Variants in RANBP2 observed in about 807,000 individuals in gnomAD.
The protein encoded by RANBP2 is RAN binding protein 2, also known as E3 SUMO-protein ligase RanBP2.
RANBP2 carries 57 observed loss-of-function variants against 303.6 expected under a neutral mutation model. That is an observed-to-expected ratio of 0.19 (90% confidence interval 0.15 to 0.23). The LOEUF is 0.23. Ranked by LOEUF, RANBP2 falls within the 10% of genes least tolerant of loss-of-function variation. RANBP2 has a pLI of 1.00. For missense variants in RANBP2, 3,138 were observed against 3,780.8 expected, an observed-to-expected ratio of 0.83 and a Z score of 4.46; for synonymous variants, 1,167 against 1,301.5, an observed-to-expected ratio of 0.90 and a Z score of 2.23.
the RANBP2 span, among the ~76,000 whole-genome samples, chr2:109,572,158 T>C: frequency 4.1e-4 from 62 of 152,090 alleles, 3 homozygotes; most frequent in Non-Finnish European, 7.4e-5. Context: ...TGAGATGGAG[T>C]CTCGCTCTGT....
At chr2:108,762,796 TACC>T (rs1305282573) in intron 19 of RANBP2, among the ~76,000 whole-genome samples, 1 of 135,552 alleles carries the variant, frequency 7.4e-6, no homozygotes, top group African/African-American at 2.8e-5. Context: ...CAATAAATGT[TACC>T]ATCATCATCA....
At chr2:109,614,903 G>GC in the RANBP2 span, 2 of 1,444,692 alleles carry the variant, frequency 1.4e-6, no homozygotes, top group South Asian at 1.5e-5. Context: ...GCGAGGGAGA[G>GC]CCCCCCGCCC....
In RANBP2 at chr2:108,772,839, C is replaced by T. The variant is rs764262045; in HGVS notation, c.8114-29C>T. On this transcript the variant is annotated intron_variant, in intron 22 of 28. Coordinates refer to ENST00000283195, the MANE Select transcript of RANBP2 (RefSeq NM_006267.5). The stretch of plus-strand genomic sequence containing the variant: ...AGAGAAGTTGGGCTTCATCTAATTT[C>T]GTTTGCTTGTGTTGTACTGATTTTT... 21 of 1,607,534 alleles carry T rather than the reference C, an allele frequency of 1.3e-5. 1 individual carries two copies. Among genetic ancestry groups the T allele is most frequent in the South Asian group, 1.2e-4 (11 of 90,420 alleles).
the RANBP2 span, among the ~76,000 whole-genome samples, chr2:109,126,858 C>T: frequency 5.3e-5 from 8 of 152,204 alleles, no homozygotes; most frequent in East Asian, 5.8e-4. Context: ...CGTCACAGGC[C>T]GTCCTTGCTC....
Position 108,783,658 on chromosome 2 carries a change from A to T in RANBP2, c.9432A>T (p.Glu3144Asp). ...AGTCCATTTATGGAGACAAATTTGA[A>T]GATGAAAATTTTGATGTGAAACATA... Reference protein sequence around the residue: ...GGQSIYGDKFEDENFDVKHTG... With the variant: ...GGQSIYGDKFDDENFDVKHTG... Residue 3144 changes from glutamate to aspartate, a missense_variant, in exon 29 of 29, where the codon GAA (glutamate) becomes GAT (aspartate). This residue lies in a region of RANBP2 where 204 missense variants were observed against 228.4 expected (regional missense o/e 0.89). Transcript: ENST00000283195. 1 of 1,612,074 alleles carries T rather than the reference A, an allele frequency of 6.2e-7. No homozygotes were observed. The highest frequency in any genetic ancestry group is 8.5e-7 in the Non-Finnish European group (1 of 1,178,134).
the RANBP2 span, among the ~76,000 whole-genome samples, chr2:108,869,581 G>A: frequency 6.6e-6 from 1 of 152,184 alleles, no homozygotes; most frequent in Non-Finnish European, 1.5e-5. Flanking sequence ...TGTGTAGGAG[G>A]AAGAGGTTAT....
chr2:109,137,493 C>G, the RANBP2 span, among the ~76,000 whole-genome samples: 2 of 152,140 alleles, frequency 1.3e-5, no homozygotes, highest in Non-Finnish European at 2.9e-5. Flanking sequence ...GTGGCTAGGA[C>G]GATGGAGGTC....
chr2:109,187,565 T>C, the RANBP2 span, among the ~76,000 whole-genome samples: 1 of 152,204 alleles, frequency 6.6e-6, no homozygotes, highest in Admixed American at 6.5e-5. Context: ...AGGTGTCTAG[T>C]ACAGTCCATG....
chr2:109,512,834 C>T, the RANBP2 span, among the ~76,000 whole-genome samples: 41 of 152,344 alleles, frequency 2.7e-4, no homozygotes, highest in East Asian at 7.5e-3. Context: ...CCTCCTCACC[C>T]CCTCCTGGGC....
At chr2:108,825,152 C>T in the RANBP2 span, among the ~76,000 whole-genome samples, 4 of 152,080 alleles carry the variant, frequency 2.6e-5, no homozygotes, top group Admixed American at 6.6e-5. Flanking sequence ...AAGTTAATAG[C>T]GTAAATAATA....
the RANBP2 span, among the ~76,000 whole-genome samples, chr2:108,828,358 C>A: frequency 6.6e-6 from 1 of 151,994 alleles, no homozygotes; most frequent in Non-Finnish European, 1.5e-5. Context: ...TACTACTTAT[C>A]CTAAAATTGA....
At chr2:109,763,773 T>G in the RANBP2 span, among the ~76,000 whole-genome samples, 1 of 150,312 alleles carries the variant, frequency 6.7e-6, no homozygotes. Flanking sequence ...CAAAAGAGAA[T>G]CTTATTTTAA....
the RANBP2 span, among the ~76,000 whole-genome samples, chr2:109,528,075 C>T: frequency 6.6e-6 from 1 of 152,198 alleles, no homozygotes; most frequent in African/African-American, 2.4e-5. Flanking sequence ...CCTGAGGCAT[C>T]CCAGCAGCTG....
chr2:109,040,037 A>G, the RANBP2 span, among the ~76,000 whole-genome samples: 1 of 152,170 alleles, frequency 6.6e-6, no homozygotes, highest in African/African-American at 2.4e-5. Context: ...CCAGAAACAT[A>G]AAGTTATTTT....
the RANBP2 span, among the ~76,000 whole-genome samples, chr2:109,389,186 C>T: frequency 6.6e-6 from 1 of 152,240 alleles, no homozygotes; most frequent in Non-Finnish European, 1.5e-5. Flanking sequence ...AGTCCCAGCC[C>T]CAGGTGCCTG....
chr2:108,905,521 A>C, the RANBP2 span, among the ~76,000 whole-genome samples: 1 of 79,534 alleles, frequency 1.3e-5, no homozygotes, highest in Non-Finnish European at 2.4e-5. Flanking sequence ...CATTTGGCCT[A>C]CGGTGGGGTG....
chr2:109,761,600 C>T, the RANBP2 span, among the ~76,000 whole-genome samples: 5 of 148,220 alleles, frequency 3.4e-5, no homozygotes, highest in Admixed American at 1.4e-4. Flanking sequence ...CTTAAAAATC[C>T]CATTGGCTGC....
At chr2:109,185,277 C>A in the RANBP2 span, among the ~76,000 whole-genome samples, 1 of 152,136 alleles carries the variant, frequency 6.6e-6, no homozygotes, top group Non-Finnish European at 1.5e-5. Context: ...CTTTCCTAAT[C>A]GATGTGAATA....
chr2:108,842,913 T>A, the RANBP2 span, among the ~76,000 whole-genome samples: 1 of 152,238 alleles, frequency 6.6e-6, no homozygotes, highest in Non-Finnish European at 1.5e-5. Context: ...ACAGAAGCTT[T>A]ACTTCCCTTT....
Sources: gnomAD v4.1 joint callset for allele counts (sites outside exome capture counted in the v4.1 genomes callset) on GRCh38, gnomAD v4.1.1 for gene constraint, gnomAD v4.1.1 regional missense constraint, MANE v1.5 for transcripts, NCBI Gene and HGNC (gene_info 2026-07-23, HGNC 2026-07-21) for gene names.